KANSL1: variants seen among roughly 807,000 people sequenced by gnomAD.
KANSL1 encodes MLL1/MLL complex subunit KANSL1.
Under a neutral mutation model 103.6 loss-of-function variants are expected in KANSL1, and 22 were observed. That is an observed-to-expected ratio of 0.21 (90% CI 0.15 to 0.30). KANSL1 has a LOEUF of 0.30. Ranked by LOEUF, KANSL1 falls within the 10% of genes least tolerant of loss-of-function variation. KANSL1 has a pLI of 1.00. For missense variants in KANSL1, 1,337 were observed against 1,399.8 expected, an observed-to-expected ratio of 0.96 and a Z score of 0.72; for synonymous variants, 600 against 527.6, an observed-to-expected ratio of 1.14 and a Z score of -1.88.
intron 2 of KANSL1, among the ~76,000 whole-genome samples, chr17:46,151,668 TATTA>T: frequency 6.6e-6 from 1 of 152,376 alleles, no homozygotes; most frequent in South Asian, 2.1e-4. Flanking sequence ...ACTTGATACA[TATTA>T]ATTTTTAAAT....
Position 46,039,690 on chromosome 17 carries a change from CCT to C in KANSL1, c.2203+10_2203+11del. 1 of 1,609,080 alleles carries C rather than the reference CCT, an allele frequency of 6.2e-7. No homozygotes were observed. The highest frequency in any genetic ancestry group is 8.5e-7 in the Non-Finnish European group (1 of 1,177,170). ...GATACTCTGGGGGACTTCCCGGCTC[CCT>C]GACACTTACTGGCTGTTGTTAGGAA... On this transcript the variant is annotated intron_variant, in intron 8 of 14. Coordinates refer to ENST00000432791, the MANE Select transcript of KANSL1 (RefSeq NM_015443.4).
chr17:46,120,678 G>A (rs2043240420), intron 2 of KANSL1, among the ~76,000 whole-genome samples: 1 of 152,164 alleles, frequency 6.6e-6, no homozygotes, highest in Non-Finnish European at 1.5e-5. Flanking sequence ...GTAGACAGCA[G>A]AGTACCCATA....
chr17:46,100,387 C>T (rs1399240229), intron 2 of KANSL1, among the ~76,000 whole-genome samples: 2 of 150,856 alleles, frequency 1.3e-5, no homozygotes, highest in Admixed American at 1.3e-4. Flanking sequence ...CTGCCGTGGG[C>T]CCAGACCACA....
upstream of KANSL1, among the ~76,000 whole-genome samples, chr17:46,198,143 TGTA>T (rs145351878): frequency 9.8e-3 from 1,495 of 152,104 alleles, 29 homozygotes; most frequent in African/African-American, 0.031. Flanking sequence ...AAAGGTAGAG[TGTA>T]GTACTTAAGC....
chr17:46,113,772 C>T (rs928485077), intron 2 of KANSL1, among the ~76,000 whole-genome samples: 1 of 152,120 alleles, frequency 6.6e-6, no homozygotes, highest in Non-Finnish European at 1.5e-5. Flanking sequence ...TAGGTAGACA[C>T]CTGAAAGGCT....
At chr17:46,096,311 C>CTTTCTTTCTTTCTTTTT (rs753073992) in intron 2 of KANSL1, among the ~76,000 whole-genome samples, 9 of 76,404 alleles carry the variant, frequency 1.2e-4, no homozygotes, top group African/African-American at 2.8e-4. Flanking sequence ...GCTTTTTTTT[C>CTTTCTTTCTTTCTTTTT]TTTTTTTTTT....
At chr17:46,038,766 C>G in intron 9 of KANSL1, 80 bp from the exon 10 acceptor site, 1 of 1,560,472 alleles carries the variant, frequency 6.4e-7, no homozygotes, top group South Asian at 1.1e-5. Flanking sequence ...GGAATGGCAG[C>G]AATACATACT....
At chr17:46,167,046 A>G (rs1298917325) in intron 2 of KANSL1, among the ~76,000 whole-genome samples, 1 of 151,396 alleles carries the variant, frequency 6.6e-6, no homozygotes, top group Non-Finnish European at 1.5e-5. Flanking sequence ...CAGAGAGAAA[A>G]AAAGAAAGGA....
intron 10 of KANSL1, chr17:46,035,590 TC>T (rs1262655241): frequency 6.6e-6 from 1 of 152,172 alleles, no homozygotes; most frequent in Non-Finnish European, 1.5e-5. Context: ...CTTTTGGGGA[TC>T]TTGCCTGAGT....
At chr17:46,187,657 G>A (rs1157543685) in intron 1 of KANSL1, among the ~76,000 whole-genome samples, 1 of 152,244 alleles carries the variant, frequency 6.6e-6, no homozygotes, top group African/African-American at 2.4e-5. Flanking sequence ...CACTGTGGAA[G>A]CAGCTTAAAA....
chr17:46,041,116 C>T (rs1289402443), intron 7 of KANSL1: 3 of 152,192 alleles, frequency 2.0e-5, no homozygotes, highest in African/African-American at 7.2e-5. Context: ...TTCTTCATTA[C>T]TAGTATATAG....
chr17:46,204,179 G>C (rs1469638676), intron 1 of KANSL1, among the ~76,000 whole-genome samples: 1 of 152,070 alleles, frequency 6.6e-6, no homozygotes, highest in Non-Finnish European at 1.5e-5. Context: ...CAAAAAGGCC[G>C]GGTGTGGTGG....
At chr17:46,155,109 C>G (rs2147537320) in intron 2 of KANSL1, among the ~76,000 whole-genome samples, 1 of 150,802 alleles carries the variant, frequency 6.6e-6, no homozygotes, top group Admixed American at 6.6e-5. Context: ...CTTTCCCCCT[C>G]AAAGATAGGT....
chr17:46,030,612 G>A lies in KANSL1; in HGVS notation c.*864C>T, dbSNP rs1178727267. The A allele has an allele frequency of 6.6e-6, 1 of 151,804 alleles. No individual in the cohort carries two copies. The highest frequency in any genetic ancestry group is 1.9e-4 in the East Asian group (1 of 5,166). 9.4% of individuals were successfully genotyped at this position (151,804 alleles called of 1,614,324 possible). Reference sequence around the variant, plus strand: ...AGGGAAAAAAAAAAAAAATCACACAGGGAGATGGCTGCTCACTTCCCACAA... The same window carrying A: ...AGGGAAAAAAAAAAAAAATCACACAAGGAGATGGCTGCTCACTTCCCACAA... On this transcript the variant is annotated 3_prime_UTR_variant, in exon 15 of 15. Transcript: ENST00000432791.
At chr17:46,085,631 A>G (rs189390757) in intron 3 of KANSL1, among the ~76,000 whole-genome samples, 125 of 152,322 alleles carry the variant, frequency 8.2e-4, no homozygotes, top group Admixed American at 1.4e-3. Flanking sequence ...CTGGGATAAC[A>G]GGTGCATGCC....
intron 7 of KANSL1, chr17:46,044,753 C>T (rs2077443270): frequency 6.6e-6 from 1 of 152,148 alleles, no homozygotes; most frequent in Non-Finnish European, 1.5e-5. Flanking sequence ...ATTTCTATCA[C>T]CCACACACAC....
intron 2 of KANSL1, among the ~76,000 whole-genome samples, chr17:46,112,536 T>C: frequency 6.6e-6 from 1 of 151,382 alleles, no homozygotes; most frequent in South Asian, 2.1e-4. Context: ...AATACAAAAA[T>C]TAGCCGGACA....
chr17:46,217,971 A>G (rs2048393856), intron 1 of KANSL1, among the ~76,000 whole-genome samples: 1 of 152,156 alleles, frequency 6.6e-6, no homozygotes, highest in Non-Finnish European at 1.5e-5. Flanking sequence ...GGTTGCAGTG[A>G]ACCGATATTA....
chr17:46,115,170 C>G (rs2042989299), intron 2 of KANSL1, among the ~76,000 whole-genome samples: 1 of 152,168 alleles, frequency 6.6e-6, no homozygotes, highest in Non-Finnish European at 1.5e-5. Context: ...AGCGATTCTC[C>G]TGCCTCAGCC....
Sources: gnomAD v4.1 joint callset for allele counts (sites outside exome capture counted in the v4.1 genomes callset) on GRCh38, gnomAD v4.1.1 for gene constraint, MANE v1.5 for transcripts, NCBI Gene and HGNC (gene_info 2026-07-23, HGNC 2026-07-21) for gene names.